The following CARNMT1 variants were observed in gnomAD, a reference collection of about 807,000 sequenced individuals.
The protein encoded by CARNMT1 is protein-L-histidine N-pros-methyltransferase CARNMT1.
CARNMT1 carries 28 observed loss-of-function variants against 49.6 expected under a neutral mutation model. The observed-to-expected ratio is 0.56, with a 90% CI of 0.42 to 0.77. CARNMT1 has a LOEUF of 0.77. CARNMT1 is among the 30% of genes least tolerant of loss of function. The probability of loss-of-function intolerance (pLI) is 0.00; values close to 1 mark genes in which losing one functional copy is unlikely to be tolerated. For missense variants in CARNMT1, 421 were observed against 512.6 expected, an observed-to-expected ratio of 0.82 and a Z score of 1.73; for synonymous variants, 178 against 175.0, an observed-to-expected ratio of 1.02 and a Z score of -0.13.
upstream of CARNMT1, chr9:75,028,402 T>C (rs976060664): frequency 1.6e-5 from 21 of 1,291,334 alleles, no homozygotes; most frequent in Middle Eastern, 2.9e-4. Context: ...CGCGCTGGGC[T>C]CCGCCAGGTC....
rs1206404291 is a variant in CARNMT1 at position 74,983,058 on chromosome 9, CA to C, written c.*708del. ...TTAAGTTCATCTGAGCCAGAAAATA[CA>C]AAATTAAATTAATCTGAATGATAAA... On this transcript the variant is annotated 3_prime_UTR_variant, in exon 8 of 8. Transcript: ENST00000376834. 6.6e-6 allele frequency: 1 copy of C among 151,822 alleles called. No homozygotes were observed. The highest frequency in any genetic ancestry group is 2.4e-5 in the African/African-American group (1 of 41,314). 9.4% of individuals were successfully genotyped at this position (151,822 alleles called of 1,614,324 possible).
At chr9:75,006,094 C>T (rs1041644314) in intron 3 of CARNMT1, among the ~76,000 whole-genome samples, 2 of 151,936 alleles carry the variant, frequency 1.3e-5, no homozygotes, top group Non-Finnish European at 2.9e-5. Flanking sequence ...GTCTCCAGCT[C>T]AGGCTGGAGT....
chr9:75,020,267 C>CTTCTTTTTT lies in CARNMT1; in HGVS notation c.231-2820_231-2819insAAAAAAGAA, dbSNP rs755164469. ...TTTCATTTTCTATTTCATTTTTCTT[C>CTTCTTTTTT]TTTTTTTTTTTTTTTTTTGAGATGG... On this transcript the variant is annotated intron_variant, in intron 1 of 7. Coordinates refer to ENST00000376834, the MANE Select transcript of CARNMT1 (RefSeq NM_152420.3). Among the ~76,000 whole-genome samples, 11 of 124,268 alleles carry CTTCTTTTTT rather than the reference C, an allele frequency of 8.9e-5. 1 individual carries two copies. The highest frequency in any genetic ancestry group is 1.5e-4 in the Non-Finnish European group (9 of 58,580). 81.5% of individuals were successfully genotyped at this position (124,268 alleles called of 152,430 possible).
chr9:75,024,948 A>G (rs10869472), intron 1 of CARNMT1, among the ~76,000 whole-genome samples: 38,657 of 152,198 alleles, frequency 0.25, 6,319 homozygotes, highest in Non-Finnish European at 0.37. Flanking sequence ...ATTACGTACT[A>G]TATTCTTACA....
chr9:75,018,686 G>A (rs761524641), intron 1 of CARNMT1, among the ~76,000 whole-genome samples: 11 of 151,954 alleles, frequency 7.2e-5, no homozygotes, highest in Non-Finnish European at 1.3e-4. Flanking sequence ...TAAGAAACAG[G>A]TGGGCGCAGT....
At chr9:75,027,199 T>C (rs2118888004) in intron 1 of CARNMT1, 1 of 1,173,172 alleles carries the variant, frequency 8.5e-7, no homozygotes, top group Non-Finnish European at 1.1e-6. Flanking sequence ...GGAATTATAA[T>C]TTTGTGATTA....
intron 6 of CARNMT1, among the ~76,000 whole-genome samples, chr9:74,990,322 A>G (rs537105391): frequency 1.6e-4 from 25 of 152,234 alleles, no homozygotes; most frequent in South Asian, 1.4e-3. Flanking sequence ...CATTTTAAAA[A>G]GCTGAATTCT....
chr9:75,018,915 C>T (rs796429261), intron 1 of CARNMT1, among the ~76,000 whole-genome samples: 11 of 149,430 alleles, frequency 7.4e-5, no homozygotes, highest in Admixed American at 1.3e-4. Flanking sequence ...TGCAGTGAGC[C>T]GAGATTGCAC....
intron 1 of CARNMT1, among the ~76,000 whole-genome samples, chr9:75,018,061 CTTATTA>C (rs1289460263): frequency 1.3e-5 from 2 of 151,932 alleles, no homozygotes; most frequent in Non-Finnish European, 2.9e-5. Flanking sequence ...CTTATATTTA[CTTATTA>C]TTATTATTTT....
intron 1 of CARNMT1, among the ~76,000 whole-genome samples, chr9:75,021,143 T>C (rs1216543304): frequency 1.3e-5 from 2 of 151,328 alleles, no homozygotes; most frequent in Non-Finnish European, 2.9e-5. Context: ...AAAAATAACG[T>C]ACTCAAAAGA....
chr9:74,985,028 T>C lies in CARNMT1; in HGVS notation c.1025-18A>G. Reference sequence around the variant, plus strand: ...CAGAGGACCTATGGTTTAAAGATACTATGAATTACTTGAATATAAACATAC... The same window carrying C: ...CAGAGGACCTATGGTTTAAAGATACCATGAATTACTTGAATATAAACATAC... On this transcript the variant is annotated intron_variant, in intron 6 of 7. Transcript: ENST00000376834. 6.5e-7 allele frequency: 1 copy of C among 1,542,204 alleles called. No homozygotes were observed. The highest frequency in any genetic ancestry group is 9.0e-7 in the Non-Finnish European group (1 of 1,114,880).
At chr9:75,006,226 A>G (rs1833508497) in intron 3 of CARNMT1, among the ~76,000 whole-genome samples, 2 of 151,904 alleles carry the variant, frequency 1.3e-5, no homozygotes, top group Non-Finnish European at 2.9e-5. Flanking sequence ...AAATTTTTGT[A>G]TTTTTAGTAG....
chr9:75,011,470 TC>T (rs1833688754), intron 3 of CARNMT1, among the ~76,000 whole-genome samples: 1 of 152,048 alleles, frequency 6.6e-6, no homozygotes, highest in Non-Finnish European at 1.5e-5. Flanking sequence ...GCTCAAATGA[TC>T]CCCTTGCCAG....
chr9:74,992,318 A>G (rs1394894446), intron 6 of CARNMT1, among the ~76,000 whole-genome samples: 1 of 152,096 alleles, frequency 6.6e-6, no homozygotes, highest in Non-Finnish European at 1.5e-5. Flanking sequence ...ATGCTCTAAA[A>G]TCTGATAAGA....
Position 75,016,269 on chromosome 9 carries a change from A to G in CARNMT1, c.589T>C (p.Trp197Arg). ...EILKNFPKER[W>R]DPSKVNILVP... ...GGTTAAAAATGAGGTACTATTTACC[A>G]TCTCTCTTTTGGAAAATTTTTTAAA... The change falls in exon 3 of 8, where the codon TGG becomes CGG. Residue 197 changes from tryptophan (W) to arginine (R), a missense_variant and splice_region_variant. Around this residue, in one of 2 missense-constraint regions of CARNMT1, gnomAD observed 235 missense variants for 344.8 expected, o/e 0.68. Coordinates refer to ENST00000376834, the MANE Select transcript of CARNMT1 (RefSeq NM_152420.3). The G allele has an allele frequency of 6.2e-7, 1 of 1,610,916 alleles. No individual in the cohort carries two copies. The highest frequency in any genetic ancestry group is 8.5e-7 in the Non-Finnish European group (1 of 1,178,178).
At position 75,007,745 on chromosome 9, in the gene CARNMT1, T is replaced by TA. The variant is rs1284886583; in HGVS notation, c.591-7876dup. On this transcript the variant is annotated intron_variant, in intron 3 of 7. Coordinates refer to ENST00000376834, the MANE Select transcript of CARNMT1 (RefSeq NM_152420.3). ...CCCTGTCTCAAAAAAATAAAAATAATAAAAAAAAAAAAACTAAGAAAATTC... is the reference window on the plus strand; with the variant it reads ...CCCTGTCTCAAAAAAATAAAAATAATAAAAAAAAAAAAAACTAAGAAAATTC... 6.3e-4 allele frequency among the ~76,000 whole-genome samples: 75 copies of TA among 119,046 alleles called. 2 individuals carry two copies. Among genetic ancestry groups the TA allele is most frequent in the African/African-American group, 1.2e-3 (37 of 30,770 alleles). The allele number at this position is 119,046 out of a possible 152,430, so 78.1% of individuals were successfully genotyped here.
chr9:75,021,322 T>C (rs1822349149), intron 1 of CARNMT1, among the ~76,000 whole-genome samples: 1 of 146,418 alleles, frequency 6.8e-6, no homozygotes, highest in South Asian at 2.1e-4. Context: ...ATACCATATA[T>C]ATTATATATA....
At chr9:75,010,940 AT>A (rs1213731590) in intron 3 of CARNMT1, among the ~76,000 whole-genome samples, 1 of 152,156 alleles carries the variant, frequency 6.6e-6, no homozygotes, top group East Asian at 1.9e-4. Flanking sequence ...TCCCTGAATT[AT>A]TTAAAATGAT....
chr9:75,027,675 G>A lies in CARNMT1; in HGVS notation c.230+337C>T, dbSNP rs542504748. Among the ~76,000 whole-genome samples the A allele has an allele frequency of 4.6e-5, 7 of 152,304 alleles. No homozygotes were observed. The South Asian group carries it at 1.4e-3, about 32-fold the overall frequency. ...AGCAGTGGACGATTGTACCACCATC[G>A]TCTTCTATCTGAAATTGTTACAGCG... On this transcript the variant is annotated intron_variant, in intron 1 of 7. Coordinates refer to ENST00000376834, the MANE Select transcript of CARNMT1 (RefSeq NM_152420.3).
Sources: allele counts gnomAD v4.1 joint callset (sites outside exome capture counted in the v4.1 genomes callset), GRCh38; gene constraint gnomAD v4.1.1; regional missense constraint gnomAD v4.1.1; transcripts MANE v1.5; gene names NCBI Gene and HGNC (gene_info 2026-07-23, HGNC 2026-07-21).